Variants in BTBD9 observed in about 807,000 individuals in gnomAD.
The protein encoded by BTBD9 is BTB/POZ domain-containing protein 9.
In BTBD9, 49 loss-of-function variants were observed where a neutral mutation model predicts 64.3. The observed-to-expected ratio is 0.76, with a 90% confidence interval of 0.61 to 0.97. The LOEUF (loss-of-function observed/expected upper bound fraction) is 0.97, where lower values mean the gene tolerates loss of function less well. Ranked by LOEUF, BTBD9 falls within the 50% of genes least tolerant of loss-of-function variation. The probability of loss-of-function intolerance (pLI) is 0.00; values close to 1 mark genes in which losing one functional copy is unlikely to be tolerated. For missense variants in BTBD9, 598 were observed against 762.1 expected (o/e 0.78, Z 2.53); for synonymous variants, 260 against 274.7 (o/e 0.95, Z 0.53).
chr6:38,602,757 G>A (rs544142629), intron 1 of BTBD9, among the ~76,000 whole-genome samples: 2 of 151,672 alleles, frequency 1.3e-5, no homozygotes, highest in East Asian at 3.9e-4. Context: ...GACTAAGACA[G>A]AAATGGCAAG....
intron 8 of BTBD9, among the ~76,000 whole-genome samples, chr6:38,275,384 C>T (rs1032292651): frequency 6.6e-6 from 1 of 152,022 alleles, no homozygotes; most frequent in African/African-American, 2.4e-5. Context: ...AGACCTAAAA[C>T]CATAAAAAGC....
intron 7 of BTBD9, among the ~76,000 whole-genome samples, chr6:38,323,178 A>G (rs1763301262): frequency 6.6e-6 from 1 of 152,192 alleles, no homozygotes; most frequent in Non-Finnish European, 1.5e-5. Context: ...TCTACTCTAA[A>G]ATCTTTGGGT....
At chr6:38,573,533 A>G (rs1775879642) in intron 6 of BTBD9, among the ~76,000 whole-genome samples, 1 of 152,130 alleles carries the variant, frequency 6.6e-6, no homozygotes. Flanking sequence ...CAGCCCCTGA[A>G]GTAAATACCT....
chr6:38,551,066 A>C (rs573949919), intron 6 of BTBD9, among the ~76,000 whole-genome samples: 88 of 152,182 alleles, frequency 5.8e-4, no homozygotes, highest in Non-Finnish European at 1.0e-3. Context: ...TGTCACCTTT[A>C]TAATGAGGCC....
chr6:38,430,598 C>T (rs562853013), intron 6 of BTBD9, among the ~76,000 whole-genome samples: 71 of 152,010 alleles, frequency 4.7e-4, no homozygotes, highest in Admixed American at 1.8e-3. Context: ...TCATTGCAGC[C>T]TTGAACTTCT....
intron 9 of BTBD9, among the ~76,000 whole-genome samples, chr6:38,250,128 C>A (rs1251711204): frequency 1.3e-5 from 2 of 151,962 alleles, no homozygotes; most frequent in Non-Finnish European, 2.9e-5. Flanking sequence ...GTAACAGGGG[C>A]CCAAGGTCAA....
chr6:38,481,136 G>A (rs190226892), intron 6 of BTBD9, among the ~76,000 whole-genome samples: 30 of 152,324 alleles, frequency 2.0e-4, no homozygotes, highest in Admixed American at 1.1e-3. Flanking sequence ...AACGTGAGAG[G>A]AGCCCATGAT....
chr6:38,447,634 G>A (rs562125860), intron 6 of BTBD9, among the ~76,000 whole-genome samples: 5 of 152,280 alleles, frequency 3.3e-5, no homozygotes, highest in Non-Finnish European at 7.4e-5. Context: ...ACACAAAAGA[G>A]CTAATTACTA....
chr6:38,610,497 C>T (rs866491110), intron 1 of BTBD9, among the ~76,000 whole-genome samples: 5 of 152,164 alleles, frequency 3.3e-5, no homozygotes, highest in Non-Finnish European at 7.3e-5. Context: ...GAAGTTTGTT[C>T]TGAGTAGCAA....
At chr6:38,544,878 GACCGTGCCATTGC>G (rs1395161803) in intron 6 of BTBD9, among the ~76,000 whole-genome samples, 2 of 124,692 alleles carry the variant, frequency 1.6e-5, no homozygotes, top group African/African-American at 6.2e-5. Context: ...AGTGAGCCAA[GACCGTGCCATTGC>G]ACTCCAGCCT....
At chr6:38,262,371 G>C (rs548292778) in intron 8 of BTBD9, among the ~76,000 whole-genome samples, 1 of 152,240 alleles carries the variant, frequency 6.6e-6, no homozygotes, top group South Asian at 2.1e-4. Context: ...TCTAACTAAT[G>C]AGCACAGCAT....
chr6:38,536,967 G>C (rs1014784302), intron 6 of BTBD9, among the ~76,000 whole-genome samples: 1 of 152,054 alleles, frequency 6.6e-6, no homozygotes, highest in African/African-American at 2.4e-5. Context: ...GGCTAAAAGA[G>C]TATCACTGGA....
In BTBD9 at chr6:38,432,589, CT is replaced by C. The variant is rs530678523; in HGVS notation, c.1155-87497del. 6.7e-4 allele frequency among the ~76,000 whole-genome samples: 102 copies of C among 152,026 alleles called. 4 individuals carry two copies. Among genetic ancestry groups the C allele is most frequent in the African/African-American group, 2.3e-3 (97 of 41,294 alleles). On this transcript the variant is annotated intron_variant, in intron 6 of 10. Coordinates refer to ENST00000481247, the MANE Select transcript of BTBD9 (RefSeq NM_001099272.2). ...AGATTTGTGAATTCTCCAACTGATC[CT>C]ATAGATAACACCACTATTGTAGAAC... is the stretch of plus-strand genomic sequence containing the variant.
At chr6:38,401,741 T>TTCA (rs1766936353) in intron 6 of BTBD9, among the ~76,000 whole-genome samples, 1 of 152,158 alleles carries the variant, frequency 6.6e-6, no homozygotes, top group Non-Finnish European at 1.5e-5. Context: ...GTGACCTGGG[T>TTCA]TCAAGTTCCA....
At chr6:38,636,273 T>C (rs1582750057) in intron 1 of BTBD9, among the ~76,000 whole-genome samples, 1 of 152,198 alleles carries the variant, frequency 6.6e-6, no homozygotes, top group Non-Finnish European at 1.5e-5. Flanking sequence ...TTAACTACTA[T>C]ACTAACATGC....
chr6:38,224,453 C>T (rs982456961), intron 9 of BTBD9, among the ~76,000 whole-genome samples: 1 of 152,208 alleles, frequency 6.6e-6, no homozygotes, highest in Non-Finnish European at 1.5e-5. Context: ...TCCAATGCTA[C>T]TGCTTCAGGG....
intron 7 of BTBD9, among the ~76,000 whole-genome samples, chr6:38,328,770 A>C (rs1763547318): frequency 6.6e-6 from 1 of 151,868 alleles, no homozygotes; most frequent in Non-Finnish European, 1.5e-5. Flanking sequence ...ACATGGTGAA[A>C]CCCCGTCTCC....
intron 7 of BTBD9, among the ~76,000 whole-genome samples, chr6:38,324,797 T>G (rs988322567): frequency 6.6e-6 from 1 of 152,234 alleles, no homozygotes; most frequent in Non-Finnish European, 1.5e-5. Flanking sequence ...ATCTCACTTT[T>G]GGATAAAGGT....
chr6:38,615,135 C>T (rs905118468), intron 1 of BTBD9, among the ~76,000 whole-genome samples: 4 of 152,214 alleles, frequency 2.6e-5, no homozygotes, highest in South Asian at 2.1e-4. Context: ...TGGGACCATG[C>T]TTCTTCTTTT....
Sources: gnomAD v4.1 joint callset for allele counts (sites outside exome capture counted in the v4.1 genomes callset) on GRCh38, gnomAD v4.1.1 for gene constraint, MANE v1.5 for transcripts, NCBI Gene and HGNC (gene_info 2026-07-23, HGNC 2026-07-21) for gene names.